ADGRL2: variants seen among roughly 807,000 people sequenced by gnomAD.
ADGRL2 encodes calcium-independent alpha-latrotoxin receptor 2.
A neutral mutation model predicts 157.4 loss-of-function variants in ADGRL2; 44 were observed. The ratio of observed to expected loss-of-function variants is 0.28; its 90% CI spans 0.22 to 0.36. ADGRL2 has a LOEUF of 0.36. Ranked by LOEUF, ADGRL2 falls within the 10% of genes least tolerant of loss-of-function variation. ADGRL2 has a pLI of 1.00. For synonymous variants in ADGRL2, 585 were observed against 624.7 expected, an observed-to-expected ratio of 0.94 and a Z score of 0.95; for missense variants, 1,510 against 1,768.9, an observed-to-expected ratio of 0.85 and a Z score of 2.63.
At chr1:81,487,750 C>T (rs2078539913) in intron 2 of ADGRL2, among the ~76,000 whole-genome samples, 1 of 152,006 alleles carries the variant, frequency 6.6e-6, no homozygotes, top group South Asian at 2.1e-4. Context: ...TTATATATAA[C>T]CATGTTAAGG....
Position 81,460,450 on chromosome 1 carries a change from A to T in ADGRL2, c.-248+15361A>T, listed in dbSNP as rs547872921. Among the ~76,000 whole-genome samples, 8 of 152,172 alleles carry T rather than the reference A, an allele frequency of 5.3e-5. No homozygotes were observed. The East Asian group carries it at 1.5e-3, about 29-fold the overall frequency. ...CAACTTAAGAAAAACTTATGAATTG[A>T]TTCATTTTTCAAAGTTAAAAAAATT... On this transcript the variant is annotated intron_variant, in intron 2 of 24. Transcript: ENST00000370721.
intron 3 of ADGRL2, among the ~76,000 whole-genome samples, chr1:81,587,303 C>CA (rs1397957902): frequency 2.0e-5 from 3 of 151,856 alleles, no homozygotes; most frequent in Non-Finnish European, 4.4e-5. Context: ...TATGAGAAGA[C>CA]AAAGAAGGGA....
intron 3 of ADGRL2, among the ~76,000 whole-genome samples, chr1:81,933,961 CT>C (rs1332804690): frequency 1.3e-5 from 2 of 151,918 alleles, no homozygotes; most frequent in Non-Finnish European, 2.9e-5. Context: ...TCTTGCACTT[CT>C]GATATCTCTG....
At chr1:81,903,412 G>A (rs372429380) in intron 2 of ADGRL2, among the ~76,000 whole-genome samples, 1 of 152,038 alleles carries the variant, frequency 6.6e-6, no homozygotes, top group East Asian at 1.9e-4. Flanking sequence ...CAGCAAAATG[G>A]CTTGAGTAGT....
chr1:81,468,024 T>G (rs925567382), intron 2 of ADGRL2, among the ~76,000 whole-genome samples: 10 of 152,206 alleles, frequency 6.6e-5, no homozygotes, highest in African/African-American at 1.7e-4. Context: ...TATTTAAGAC[T>G]TGAAGATTTA....
intron 1 of ADGRL2, among the ~76,000 whole-genome samples, chr1:81,704,336 T>C (rs1557580297): frequency 6.6e-6 from 1 of 152,232 alleles, no homozygotes; most frequent in African/African-American, 2.4e-5. Flanking sequence ...AGTCCGGTTT[T>C]CCTGCCTCAA....
At chr1:81,800,906 C>G (rs1053996519), upstream of ADGRL2, among the ~76,000 whole-genome samples, 11 of 149,378 alleles carry the variant, frequency 7.4e-5, no homozygotes, top group Non-Finnish European at 1.6e-4. Flanking sequence ...CGCGAGCTGG[C>G]GCAGGCCGCC....
At chr1:81,966,310 G>A in intron 12 of ADGRL2, 94 bp from the exon 13 acceptor site, 8 of 1,504,592 alleles carry the variant, frequency 5.3e-6, no homozygotes, top group Non-Finnish European at 7.3e-6. Flanking sequence ...ATATAAAACA[G>A]TGCCTTAGGA....
chr1:81,798,924 G>A (rs1349320671), upstream of ADGRL2, among the ~76,000 whole-genome samples: 2 of 100,112 alleles, frequency 2.0e-5, no homozygotes, highest in East Asian at 7.6e-4. Flanking sequence ...TTTGTGAATG[G>A]TGCCCAGATG....
At chr1:81,966,017 A>G (rs1038305316) in intron 11 of ADGRL2, 41 bp from the exon 12 acceptor site, 1 of 1,605,378 alleles carries the variant, frequency 6.2e-7, no homozygotes. Context: ...CTCTTAAAGA[A>G]TCCTTTTTTC....
intron 1 of ADGRL2, among the ~76,000 whole-genome samples, chr1:81,391,729 C>T (rs2076563582): frequency 1.3e-5 from 2 of 152,148 alleles, no homozygotes; most frequent in Non-Finnish European, 2.9e-5. Context: ...ACCTGTGCCT[C>T]ACTAAATGCT....
chr1:81,854,860 C>T (rs947358547), intron 2 of ADGRL2, among the ~76,000 whole-genome samples: 2 of 151,980 alleles, frequency 1.3e-5, no homozygotes, highest in South Asian at 2.1e-4. Context: ...CAATGTGTGC[C>T]GAAGGTGAGG....
rs1352914069 is a variant in ADGRL2 at position 81,491,837 on chromosome 1, G to A, written c.-248+46748G>A. Among the ~76,000 whole-genome samples, 3 of 152,074 alleles carry A rather than the reference G, an allele frequency of 2.0e-5. No individual in the cohort carries two copies. The East Asian group carries it at 5.8e-4, about 29-fold the overall frequency. On this transcript the variant is annotated intron_variant, in intron 2 of 24. Coordinates refer to the ADGRL2 transcript ENST00000370721. ...TTATTCTATGCAATACTGTGCTCGC[G>A]AAATGTTGCATTATTCAGCTCTCCT...
chr1:81,396,336 C>T (rs1276158099), intron 1 of ADGRL2, among the ~76,000 whole-genome samples: 2 of 152,078 alleles, frequency 1.3e-5, no homozygotes, highest in African/African-American at 4.8e-5. Flanking sequence ...TTGATTTTTG[C>T]ATGTTAATTT....
At chr1:81,625,834 C>T (rs2081898426) in intron 3 of ADGRL2, 1 of 152,172 alleles carries the variant, frequency 6.6e-6, no homozygotes, top group Non-Finnish European at 1.5e-5. Context: ...TTCTTATTGG[C>T]AGTAAGCATC....
At chr1:81,967,847 G>A (rs1233896764) in intron 13 of ADGRL2, among the ~76,000 whole-genome samples, 179 bp from the exon 14 acceptor site, 2 of 152,130 alleles carry the variant, frequency 1.3e-5, no homozygotes, top group African/African-American at 4.8e-5. Context: ...GGACTATAAA[G>A]CCCCTTTTAA....
intron 2 of ADGRL2, among the ~76,000 whole-genome samples, chr1:81,767,352 T>C (rs1372549562): frequency 6.6e-6 from 1 of 152,104 alleles, no homozygotes; most frequent in Non-Finnish European, 1.5e-5. Flanking sequence ...GTGCAAAAAT[T>C]TATACAGGGC....
chr1:81,554,705 C>A (rs12060244), intron 2 of ADGRL2, among the ~76,000 whole-genome samples: 3,143 of 152,068 alleles, frequency 0.021, 101 homozygotes, highest in African/African-American at 0.071. Context: ...CATGAGACAA[C>A]CAGGTTAACA....
At chr1:81,855,573 AT>A (rs1483576964) in intron 2 of ADGRL2, among the ~76,000 whole-genome samples, 1 of 151,096 alleles carries the variant, frequency 6.6e-6, no homozygotes, top group African/African-American at 2.4e-5. Flanking sequence ...ACTTTTTAAT[AT>A]TTTTTCCTTG....
Sources: gnomAD v4.1 joint callset for allele counts (sites outside exome capture counted in the v4.1 genomes callset) on GRCh38, gnomAD v4.1.1 for gene constraint, MANE v1.5 for transcripts, NCBI Gene and HGNC (gene_info 2026-07-23, HGNC 2026-07-21) for gene names.